The following ART3 variants were observed in gnomAD, a reference collection of about 807,000 sequenced individuals.
ART3 encodes ADP-ribosyltransferase 3 (inactive).
A neutral mutation model predicts 48.5 loss-of-function variants in ART3; 49 were observed. The observed-to-expected ratio is 1.01, with a 90% CI of 0.80 to 1.28. ART3 has a LOEUF of 1.28. Among genes scored for constraint, ART3 ranks in the 50% most tolerant of loss-of-function variants. The pLI is 0.00. For missense variants in ART3, 438 were observed against 454.3 expected (o/e 0.96, Z 0.33); for synonymous variants, 145 against 157.2 (o/e 0.92, Z 0.58).
intron 11 of ART3, chr4:76,111,850 A>G (rs1391193075): frequency 6.6e-6 from 1 of 152,544 alleles, no homozygotes; most frequent in African/African-American, 2.4e-5. Flanking sequence ...AAAATACAGT[A>G]TATAATACAT....
Position 76,048,364 on chromosome 4 carries a change from A to G in ART3, c.-9-27517A>G, listed in dbSNP as rs544861012. On this transcript the variant is annotated intron_variant, in intron 1 of 9. Transcript: ENST00000341029. ...AGAGAGAGAATATTGGGGCCAAGCC[A>G]TAGTGTAGAAAAAAATGAGCCATCT... Among the ~76,000 whole-genome samples, 4 of 151,994 alleles carry G rather than the reference A, an allele frequency of 2.6e-5. No individual in the cohort carries two copies. In the East Asian group the frequency reaches 7.7e-4, roughly 29 times the overall value.
intron 3 of ART3, among the ~76,000 whole-genome samples, chr4:76,089,548 G>A (rs56350100): frequency 0.012 from 1,823 of 152,118 alleles, 38 homozygotes; most frequent in African/African-American, 0.041. Context: ...GTTTCCTGAG[G>A]CCTCCCCTGC....
upstream of ART3, among the ~76,000 whole-genome samples, chr4:76,070,910 A>T (rs551344830): frequency 1.3e-5 from 2 of 151,870 alleles, no homozygotes; most frequent in South Asian, 4.2e-4. Context: ...ATCTAAGGCC[A>T]CCTCATCTGC....
At chr4:76,029,895 G>GT (rs1337147522) in intron 1 of ART3, among the ~76,000 whole-genome samples, 2 of 136,940 alleles carry the variant, frequency 1.5e-5, no homozygotes, top group Non-Finnish European at 3.1e-5. Flanking sequence ...CGAATCTGCA[G>GT]TTTTTTCTGC....
chr4:76,071,574 G>C (rs1174267283), upstream of ART3, among the ~76,000 whole-genome samples: 1 of 152,060 alleles, frequency 6.6e-6, no homozygotes, highest in Non-Finnish European at 1.5e-5. Context: ...TCTTCTATCA[G>C]ACCTGCTCTT....
In ART3 at chr4:76,103,966, C is replaced by T. The variant is rs756381950; in HGVS notation, c.967C>T (p.Pro323Ser). The T allele has an allele frequency of 1.2e-6, 2 of 1,613,354 alleles. No individual in the cohort carries two copies. Among genetic ancestry groups the T allele is most frequent in the Non-Finnish European group, 8.5e-7 (1 of 1,179,590 alleles). The change falls in exon 9 of 12, where the codon CCT (proline) becomes TCT (serine). Residue 323 changes from proline (P) to serine (S), a missense_variant. Transcript: ENST00000355810. ...GAAAATCCTTGAACCCACCCAAATA[C>T]CTGGTAAGACAGCTTTCTATTTACT... ...GVKILEPTQI[P>S]GMKIPEPFPL...
chr4:76,039,628 A>G (rs1216042020), intron 1 of ART3, among the ~76,000 whole-genome samples: 1 of 152,272 alleles, frequency 6.6e-6, no homozygotes, highest in Non-Finnish European at 1.5e-5. Flanking sequence ...GCATGAATGC[A>G]ATAGCATAGT....
intron 1 of ART3, chr4:76,058,638 A>G (rs1718903297): frequency 6.6e-6 from 1 of 152,220 alleles, no homozygotes; most frequent in South Asian, 2.1e-4. Context: ...GAGAAAAGTA[A>G]CAGGAATTTC....
At chr4:76,021,077 A>T (rs1732760774) in intron 1 of ART3, 1 of 152,196 alleles carries the variant, frequency 6.6e-6, no homozygotes, top group Admixed American at 6.5e-5. Flanking sequence ...GTTTCTTATG[A>T]AATAAATATC....
Position 76,081,814 on chromosome 4 carries a change from T to G in ART3, c.70-10T>G, listed in dbSNP as rs762606434. 4.4e-6 allele frequency: 7 copies of G among 1,594,546 alleles called. No individual in the cohort carries two copies. The highest frequency in any genetic ancestry group is 6.0e-6 in the Non-Finnish European group (7 of 1,169,204). On this transcript the variant is annotated splice_polypyrimidine_tract_variant and intron_variant, in intron 2 of 11. Transcript: ENST00000355810. ...TATTTCAAGAGTATTAATTTCTTTT[T>G]CCTTTGAAGGTGAAGGCTGAAGTGT...
chr4:76,109,965 A>G (rs1729170634), intron 11 of ART3, among the ~76,000 whole-genome samples: 1 of 152,204 alleles, frequency 6.6e-6, no homozygotes, highest in Admixed American at 6.5e-5. Flanking sequence ...CTTCCAGTCA[A>G]CGCTTCCCCG....
chr4:76,026,696 TG>T (rs1316655532), intron 1 of ART3, among the ~76,000 whole-genome samples: 2 of 91,960 alleles, frequency 2.2e-5, no homozygotes, highest in Admixed American at 2.8e-4. Context: ...AGTTATTTGC[TG>T]TTTTTTTATC....
At chr4:76,046,650 C>T (rs1458163225) in intron 1 of ART3, among the ~76,000 whole-genome samples, 1 of 151,906 alleles carries the variant, frequency 6.6e-6, no homozygotes, top group Non-Finnish European at 1.5e-5. Context: ...GGGTTGATTC[C>T]CTCCTCAAGT....
intron 1 of ART3, among the ~76,000 whole-genome samples, chr4:76,055,335 C>G (rs1279845074): frequency 6.6e-6 from 1 of 152,174 alleles, no homozygotes; most frequent in African/African-American, 2.4e-5. Flanking sequence ...TTTAATGTCT[C>G]CCATGTGGCA....
At chr4:76,077,525 A>G (rs1278933720) in intron 2 of ART3, among the ~76,000 whole-genome samples, 1 of 152,142 alleles carries the variant, frequency 6.6e-6, no homozygotes, top group African/African-American at 2.4e-5. Context: ...TTTTTAAAAA[A>G]TTTTCTAATC....
chr4:76,106,083 C>A (rs10006482), intron 10 of ART3: 558,773 of 982,312 alleles, frequency 0.57, 163,911 homozygotes, highest in East Asian at 0.98. Flanking sequence ...TAATCCAATA[C>A]GATAAATATT....
At chr4:76,028,666 T>C (rs930829693) in intron 1 of ART3, among the ~76,000 whole-genome samples, 1 of 152,234 alleles carries the variant, frequency 6.6e-6, no homozygotes, top group African/African-American at 2.4e-5. Context: ...AAGCTTCCCC[T>C]TCACAGTTTT....
At chr4:76,096,965 G>A (rs1048587622) in intron 3 of ART3, among the ~76,000 whole-genome samples, 1 of 152,152 alleles carries the variant, frequency 6.6e-6, no homozygotes, top group Non-Finnish European at 1.5e-5. Flanking sequence ...TGTTGAGGAC[G>A]TTTAGTATCT....
intron 1 of ART3, among the ~76,000 whole-genome samples, chr4:76,064,501 A>T (rs919121127): frequency 6.6e-6 from 1 of 152,242 alleles, no homozygotes; most frequent in African/African-American, 2.4e-5. Context: ...TCTTGTCTTT[A>T]TACTAAAGAA....
Sources: gnomAD v4.1 joint callset for allele counts (sites outside exome capture counted in the v4.1 genomes callset) on GRCh38, gnomAD v4.1.1 for gene constraint, MANE v1.5 for transcripts, NCBI Gene and HGNC (gene_info 2026-07-23, HGNC 2026-07-21) for gene names.